Variants in RELB observed in about 807,000 individuals in gnomAD.
RELB encodes the protein transcription factor RelB.
A neutral mutation model predicts 55.4 loss-of-function variants in RELB; 14 were observed. The ratio of observed to expected loss-of-function variants is 0.25; its 90% CI spans 0.17 to 0.40. RELB has a LOEUF of 0.40. RELB is among the 10% of genes least tolerant of loss of function. RELB has a pLI of 1.00. For synonymous variants in RELB, 409 were observed against 371.3 expected (o/e 1.10, Z -1.17); for missense variants, 669 against 830.7 (o/e 0.81, Z 2.39).
intron 5 of RELB, among the ~76,000 whole-genome samples, chr19:45,022,998 T>A (rs1971508641): frequency 6.6e-6 from 1 of 152,188 alleles, no homozygotes; most frequent in Non-Finnish European, 1.5e-5. Context: ...CTTCACTGTG[T>A]TACACTGACT....
chr19:45,024,767 G>A (rs1435388826), intron 5 of RELB, among the ~76,000 whole-genome samples: 4 of 150,950 alleles, frequency 2.6e-5, no homozygotes, highest in East Asian at 4.0e-4. Context: ...CCAGGATGGT[G>A]TCCCTCTCTT....
intron 4 of RELB, among the ~76,000 whole-genome samples, chr19:45,017,444 C>A (rs2122432808): frequency 1.1e-4 from 2 of 18,476 alleles, no homozygotes; most frequent in East Asian, 3.5e-3. Flanking sequence ...CAGAGAGAAT[C>A]TGTCTAAAAA....
intron 2 of RELB, among the ~76,000 whole-genome samples, chr19:45,007,118 A>T (rs1600062600): frequency 6.6e-6 from 1 of 152,110 alleles, no homozygotes; most frequent in Non-Finnish European, 1.5e-5. Flanking sequence ...AAGTCACGCC[A>T]TGCAAAGAAC....
rs775624572 is a variant in RELB, at chr19:45,037,494, C to A, written c.1444C>A (p.Pro482Thr). ...GCCCGGCCTGGAGCCCCCTGGCGGG[C>A]CTGACCTCCTGGACGATGGCTTTGC... ...SLPGLEPPGG[P>T]DLLDDGFAYD... Residue 482 changes from proline (P) to threonine (T), a missense_variant, in exon 12 of 12, where the codon CCT becomes ACT. This residue lies in a region of RELB where 341 missense variants were observed against 436.8 expected (regional missense o/e 0.78). Coordinates refer to ENST00000221452, the MANE Select transcript of RELB (RefSeq NM_006509.4). 2 of 1,612,648 alleles carry A rather than the reference C, an allele frequency of 1.2e-6. No individual in the cohort carries two copies. The highest frequency in any genetic ancestry group is 2.2e-5 in the South Asian group (2 of 91,072).
At chr19:45,019,704 G>A (rs1465671760) in intron 4 of RELB, among the ~76,000 whole-genome samples, 5 of 152,100 alleles carry the variant, frequency 3.3e-5, no homozygotes, top group Admixed American at 2.6e-4. Flanking sequence ...TTGAGAAGGA[G>A]TCTTGCTTTG....
At chr19:45,034,564 G>T in intron 11 of RELB, 36 bp downstream of exon 11, 1 of 1,547,012 alleles carries the variant, frequency 6.5e-7, no homozygotes. Flanking sequence ...CTGTCCCCTG[G>T]GTGGGCAGAG....
rs1568401748 is a variant in RELB, at chr19:45,022,221, C to T, written c.662+11C>T. ...CAGCCCCCGGCACAGGTACCCACCC[C>T]CTGACCTCCGACCTCTCATCCTTGA... On this transcript the variant is annotated intron_variant, in intron 5 of 11. Transcript: ENST00000221452. 7 of 1,584,762 alleles carry T rather than the reference C, an allele frequency of 4.4e-6. No individual in the cohort carries two copies. Among genetic ancestry groups the T allele is most frequent in the Admixed American group, 3.5e-5 (2 of 57,612 alleles).
rs1971369545 is a variant in RELB, at chr19:45,012,159, C to T, written c.387C>T (p.Ile129=). Residue 129 remains isoleucine (I), a synonymous_variant, in exon 4 of 12, where the codon ATC becomes ATT. Coordinates refer to ENST00000221452, the MANE Select transcript of RELB (RefSeq NM_006509.4). Reference sequence around the variant, plus strand: ...CGGGCCCGCAGCCGCACCTGGTCATCACGGAGCAGCCCAAGCAGCGCGGCA... The same window carrying T: ...CGGGCCCGCAGCCGCACCTGGTCATTACGGAGCAGCCCAAGCAGCGCGGCA... ...PGPGPQPHLV[I]TEQPKQRGMR... is the part of the protein sequence containing the mutation. 1 of 1,563,448 alleles carries T rather than the reference C, an allele frequency of 6.4e-7. No individual in the cohort carries two copies. The highest frequency in any genetic ancestry group is 8.6e-7 in the Non-Finnish European group (1 of 1,163,922).
intron 2 of RELB, among the ~76,000 whole-genome samples, chr19:45,005,996 G>A (rs143959712): frequency 3.3e-5 from 5 of 152,274 alleles, no homozygotes; most frequent in Admixed American, 3.3e-4. Context: ...TTTATTATGC[G>A]CCTGTTCTGT....
In RELB at chr19:45,034,494, C is replaced by T. The variant is rs1971664141; in HGVS notation, c.1320C>T (p.Ala440=). 6.2e-7 allele frequency: 1 copy of T among 1,609,568 alleles called. No individual in the cohort carries two copies. Among genetic ancestry groups the T allele is most frequent in the South Asian group, 1.1e-5 (1 of 90,164 alleles). ...IESKRRKKKP[A]ILDHFLPNHG... ...GCAAACGGCGGAAGAAAAAGCCGGC[C>T]ATCCTGGACCACTTCCTGCCCAACC... Residue 440 remains alanine, a synonymous_variant, in exon 11 of 12, where the codon GCC becomes GCT. Transcript: ENST00000221452.
intron 7 of RELB, among the ~76,000 whole-genome samples, chr19:45,027,933 T>A (rs35718746): frequency 1.3e-5 from 2 of 152,306 alleles, no homozygotes; most frequent in African/African-American, 2.4e-5. Flanking sequence ...TAGGCAGTCA[T>A]GCAGTGGTGC....
chr19:45,031,659 T>G (rs1441112416), intron 8 of RELB, among the ~76,000 whole-genome samples: 1 of 151,918 alleles, frequency 6.6e-6, no homozygotes, highest in African/African-American at 2.4e-5. Context: ...CACTGCAAGC[T>G]CCGCCTCCCG....
intron 4 of RELB, among the ~76,000 whole-genome samples, chr19:45,020,945 C>G (rs1396622555): frequency 6.6e-6 from 1 of 152,110 alleles, no homozygotes; most frequent in East Asian, 1.9e-4. Context: ...GAGGCCAAGG[C>G]AGGCAGATCG....
intron 4 of RELB, among the ~76,000 whole-genome samples, chr19:45,015,995 A>T (rs913760941): frequency 1.3e-5 from 2 of 151,206 alleles, no homozygotes; most frequent in Non-Finnish European, 2.9e-5. Flanking sequence ...ATTTTATTTT[A>T]TTTTATTATT....
chr19:45,033,369 GGT>G (rs1971648121), intron 9 of RELB, among the ~76,000 whole-genome samples: 1 of 152,062 alleles, frequency 6.6e-6, no homozygotes, highest in Non-Finnish European at 1.5e-5. Context: ...TTGTGCCTGG[GGT>G]GCTCCAGGAA....
intron 2 of RELB, among the ~76,000 whole-genome samples, chr19:45,007,725 G>A (rs1366384930): frequency 6.6e-6 from 1 of 152,006 alleles, no homozygotes; most frequent in Non-Finnish European, 1.5e-5. Context: ...GGGCATGGTG[G>A]TACGAGACTG....
intron 8 of RELB, among the ~76,000 whole-genome samples, chr19:45,029,227 T>C (rs1292887804): frequency 3.3e-5 from 5 of 152,200 alleles, no homozygotes; most frequent in African/African-American, 1.2e-4. Context: ...TGGTGACCCA[T>C]GCTGCAAGCT....
At chr19:45,021,915 C>G in intron 4 of RELB, 138 bp from the exon 5 acceptor site, 1 of 828,720 alleles carries the variant, frequency 1.2e-6, no homozygotes, top group Non-Finnish European at 1.8e-6. Context: ...ATCCTGGTCG[C>G]GGGAGAAGGT....
chr19:45,034,591 G>A (rs997561048), intron 11 of RELB, 63 bp downstream of exon 11: 1 of 1,433,404 alleles, frequency 7.0e-7, no homozygotes, highest in Non-Finnish European at 9.6e-7. Flanking sequence ...TGGCAGCCCT[G>A]CTTTTCTGGC....
Sources: gnomAD v4.1 joint callset for allele counts (sites outside exome capture counted in the v4.1 genomes callset) on GRCh38, gnomAD v4.1.1 for gene constraint, gnomAD v4.1.1 regional missense constraint, MANE v1.5 for transcripts, NCBI Gene and HGNC (gene_info 2026-07-23, HGNC 2026-07-21) for gene names.